ZCCHC7: variants seen among roughly 807,000 people sequenced by gnomAD.
ZCCHC7 encodes zinc finger CCHC domain-containing protein 7.
ZCCHC7 carries 35 observed loss-of-function variants against 52.0 expected under a neutral mutation model. The observed-to-expected ratio is 0.67, with a 90% CI of 0.51 to 0.89. ZCCHC7 has a LOEUF of 0.89. ZCCHC7 is among the 40% of genes least tolerant of loss of function. ZCCHC7 has a pLI of 0.00. For missense variants in ZCCHC7, 574 were observed against 649.1 expected, an observed-to-expected ratio of 0.88 and a Z score of 1.26; for synonymous variants, 217 against 221.5, an observed-to-expected ratio of 0.98 and a Z score of 0.18.
intron 1 of ZCCHC7, among the ~76,000 whole-genome samples, chr9:37,121,292 T>C (rs1284328035): frequency 2.0e-5 from 3 of 152,162 alleles, no homozygotes; most frequent in Non-Finnish European, 2.9e-5. Context: ...TCCAGAAAGC[T>C]CTTATTGAAG....
At chr9:37,257,060 C>T (rs1362354948) in intron 2 of ZCCHC7, among the ~76,000 whole-genome samples, 2 of 152,040 alleles carry the variant, frequency 1.3e-5, no homozygotes, top group African/African-American at 4.8e-5. Context: ...TTCAAGGTGG[C>T]TTTGAATAGA....
chr9:37,156,051 A>G (rs1447392539), intron 2 of ZCCHC7, among the ~76,000 whole-genome samples: 2 of 152,200 alleles, frequency 1.3e-5, no homozygotes, highest in Non-Finnish European at 2.9e-5. Context: ...ATGTTAGTTC[A>G]TGTGTGTTAG....
chr9:37,282,450 C>A (rs1828004607), intron 2 of ZCCHC7, among the ~76,000 whole-genome samples: 1 of 151,404 alleles, frequency 6.6e-6, no homozygotes, highest in East Asian at 1.9e-4. Context: ...TAAAAATACA[C>A]AAAAATTAGC....
At chr9:37,148,581 C>T (rs1013253648) in intron 2 of ZCCHC7, among the ~76,000 whole-genome samples, 6 of 152,190 alleles carry the variant, frequency 3.9e-5, no homozygotes, top group African/African-American at 4.8e-5. Flanking sequence ...AAAAAGTGAT[C>T]GTACCTGTTA....
At chr9:37,148,220 G>T (rs1843527192) in intron 2 of ZCCHC7, among the ~76,000 whole-genome samples, 1 of 152,046 alleles carries the variant, frequency 6.6e-6, no homozygotes, top group African/African-American at 2.4e-5. Flanking sequence ...ACAATAACTA[G>T]GGCCTTTTGT....
At chr9:37,136,136 C>A (rs527433644) in intron 2 of ZCCHC7, among the ~76,000 whole-genome samples, 1 of 152,078 alleles carries the variant, frequency 6.6e-6, no homozygotes, top group Non-Finnish European at 1.5e-5. Context: ...AAGGTCACTT[C>A]TGAATGAGGT....
intron 2 of ZCCHC7, among the ~76,000 whole-genome samples, chr9:37,222,002 T>G (rs1193444455): frequency 1.3e-5 from 2 of 151,864 alleles, no homozygotes; most frequent in Non-Finnish European, 2.9e-5. Context: ...AGGAAATGTG[T>G]GGAGTTTATG....
At chr9:37,222,576 G>T (rs949651326) in intron 2 of ZCCHC7, among the ~76,000 whole-genome samples, 1 of 152,036 alleles carries the variant, frequency 6.6e-6, no homozygotes, top group East Asian at 1.9e-4. Context: ...AAATGTGAGT[G>T]AATTATTTTA....
chr9:37,287,794 TA>T (rs1340427724), intron 2 of ZCCHC7, among the ~76,000 whole-genome samples: 1 of 152,178 alleles, frequency 6.6e-6, no homozygotes, highest in Non-Finnish European at 1.5e-5. Flanking sequence ...TCAATGGTGT[TA>T]AATTTTTTTT....
chr9:37,303,732 C>T (rs1437771964), intron 3 of ZCCHC7, among the ~76,000 whole-genome samples: 8 of 131,120 alleles, frequency 6.1e-5, no homozygotes, highest in African/African-American at 1.2e-4. Context: ...GGCACAATCT[C>T]GGCTCACCAC....
At chr9:37,250,055 C>T (rs1274630338) in intron 2 of ZCCHC7, among the ~76,000 whole-genome samples, 2 of 152,184 alleles carry the variant, frequency 1.3e-5, no homozygotes, top group African/African-American at 2.4e-5. Flanking sequence ...GTAAAGATCA[C>T]TTATCCTCAT....
chr9:37,289,068 G>C (rs1399403094), intron 2 of ZCCHC7, among the ~76,000 whole-genome samples: 1 of 151,742 alleles, frequency 6.6e-6, no homozygotes, highest in African/African-American at 2.4e-5. Flanking sequence ...ATGTTCCTCT[G>C]CATTTTTTAG....
chr9:37,260,919 T>G (rs1303538554), intron 2 of ZCCHC7, among the ~76,000 whole-genome samples: 1 of 152,212 alleles, frequency 6.6e-6, no homozygotes, highest in Non-Finnish European at 1.5e-5. Flanking sequence ...GTTTGCTGTG[T>G]TTTATTCTAT....
intron 2 of ZCCHC7, among the ~76,000 whole-genome samples, chr9:37,165,049 A>G (rs901606770): frequency 1.3e-5 from 2 of 152,220 alleles, no homozygotes; most frequent in African/African-American, 4.8e-5. Context: ...TCAACAATAT[A>G]ACTTTAGTTT....
chr9:37,310,434 G>A (rs1484322785), intron 5 of ZCCHC7, among the ~76,000 whole-genome samples: 1 of 152,196 alleles, frequency 6.6e-6, no homozygotes, highest in Non-Finnish European at 1.5e-5. Context: ...TTACTGTGCT[G>A]GAGGAGTGCT....
intron 2 of ZCCHC7, among the ~76,000 whole-genome samples, chr9:37,150,462 T>G (rs1161165522): frequency 6.6e-6 from 1 of 152,220 alleles, no homozygotes; most frequent in Non-Finnish European, 1.5e-5. Context: ...TTTAACCCAT[T>G]GTTCTTTTCT....
intron 1 of ZCCHC7, among the ~76,000 whole-genome samples, chr9:37,124,335 C>T (rs536484554): frequency 6.6e-6 from 1 of 151,490 alleles, no homozygotes; most frequent in Non-Finnish European, 1.5e-5. Context: ...TTGGAGTAGT[C>T]GAAAGACAAC....
rs139718429 is a variant in ZCCHC7 at position 37,260,687 on chromosome 9, T to C, written c.611-41501T>C. On this transcript the variant is annotated intron_variant, in intron 2 of 8. Coordinates refer to ENST00000336755, the MANE Select transcript of ZCCHC7 (RefSeq NM_032226.3). ...GACCTTAATGGGACCTATATAGTTG[T>C]TAGGGGCAGAGACATGGTAGTTTTC... is the stretch of plus-strand genomic sequence containing the variant. 7.2e-5 allele frequency among the ~76,000 whole-genome samples: 11 copies of C among 152,298 alleles called. No individual in the cohort carries two copies. In the East Asian group the frequency reaches 2.1e-3, roughly 29 times the overall value.
At chr9:37,202,075 A>G (rs901827817) in intron 2 of ZCCHC7, among the ~76,000 whole-genome samples, 2 of 152,256 alleles carry the variant, frequency 1.3e-5, no homozygotes, top group Admixed American at 1.3e-4. Flanking sequence ...CCTCTAAGCA[A>G]CTCAGAATGT....
Sources: allele counts gnomAD v4.1 joint callset (sites outside exome capture counted in the v4.1 genomes callset), GRCh38; gene constraint gnomAD v4.1.1; transcripts MANE v1.5; gene names NCBI Gene and HGNC (gene_info 2026-07-23, HGNC 2026-07-21).